The following PCDHA1 variants were observed in gnomAD, a reference collection of about 807,000 sequenced individuals.
PCDHA1 encodes the protein protocadherin alpha 1, also known as protocadherin alpha-1.
In PCDHA1, 42 loss-of-function variants were observed where a neutral mutation model predicts 61.3. The observed-to-expected ratio is 0.69, with a 90% confidence interval of 0.54 to 0.89. The LOEUF (loss-of-function observed/expected upper bound fraction) is 0.89. PCDHA1 is among the 40% of genes least tolerant of loss of function. The probability of loss-of-function intolerance (pLI) is 0.00; values close to 1 mark genes in which losing one functional copy is unlikely to be tolerated. For missense variants in PCDHA1, 1,256 were observed against 1,235.3 expected (o/e 1.02, Z -0.25); for synonymous variants, 610 against 553.8 (o/e 1.10, Z -1.43).
chr5:140,835,687 T>G (rs1773843865), intron 1 of PCDHA1: 1 of 1,613,786 alleles, frequency 6.2e-7, no homozygotes, highest in Admixed American at 1.7e-5. Context: ...TCGCCTTCTC[T>G]GTGGGCCACT....
chr5:140,806,637 G>A (rs1763761859), intron 1 of PCDHA1, among the ~76,000 whole-genome samples: 1 of 111,056 alleles, frequency 9.0e-6, no homozygotes, highest in Admixed American at 9.2e-5. Flanking sequence ...GAAATACTAG[G>A]GTGAAGAGGG....
intron 1 of PCDHA1, chr5:140,876,054 A>C: frequency 6.2e-7 from 1 of 1,613,940 alleles, no homozygotes; most frequent in Non-Finnish European, 8.5e-7. Context: ...TGCCTGAATT[A>C]GTTCTTCGGA....
chr5:140,876,873 C>G (rs781921402), intron 1 of PCDHA1: 1 of 1,614,128 alleles, frequency 6.2e-7, no homozygotes, highest in Non-Finnish European at 8.5e-7. Context: ...TGAAGGAGAA[C>G]AACCCGCCGG....
At chr5:140,794,927 A>T in intron 1 of PCDHA1, 1 of 1,559,156 alleles carries the variant, frequency 6.4e-7, no homozygotes, top group Non-Finnish European at 8.7e-7. Flanking sequence ...TTTGCAAAAC[A>T]TGCTCTTCTA....
At chr5:140,869,884 G>T in intron 1 of PCDHA1, 1 of 1,610,394 alleles carries the variant, frequency 6.2e-7, no homozygotes, top group Non-Finnish European at 8.5e-7. Flanking sequence ...AGAAACTCTT[G>T]TGCTCAAACT....
At chr5:140,923,043 T>C (rs1274355780) in intron 1 of PCDHA1, among the ~76,000 whole-genome samples, 2 of 152,228 alleles carry the variant, frequency 1.3e-5, no homozygotes, top group Non-Finnish European at 1.5e-5. Context: ...ACATGTATAG[T>C]ATTTAGAATA....
chr5:140,841,897 T>C (rs1403032733), intron 1 of PCDHA1: 2 of 1,613,728 alleles, frequency 1.2e-6, no homozygotes, highest in Middle Eastern at 1.6e-4. Context: ...ATAAACTGGT[T>C]GAGCTCGTAT....
chr5:140,801,580 A>G (rs545790169), intron 1 of PCDHA1: 2 of 1,614,234 alleles, frequency 1.2e-6, no homozygotes, highest in Non-Finnish European at 1.7e-6. Context: ...GACATTAATG[A>G]CAACGCGCCA....
chr5:140,795,081 C>A, intron 1 of PCDHA1: 1 of 1,614,012 alleles, frequency 6.2e-7, no homozygotes, highest in Non-Finnish European at 8.5e-7. Flanking sequence ...CCGAGGAGGC[C>A]AAACACGGCA....
chr5:140,863,224 G>A, intron 1 of PCDHA1: 2 of 1,143,744 alleles, frequency 1.7e-6, no homozygotes, highest in Non-Finnish European at 2.5e-6. Context: ...AGCGAGGAAG[G>A]TCCCATCGCG....
chr5:140,788,405 C>T lies in PCDHA1; in HGVS notation c.2115C>T (p.Cys705=). 6.2e-7 allele frequency: 1 copy of T among 1,614,090 alleles called. No homozygotes were observed. The highest frequency in any genetic ancestry group is 1.1e-5 in the South Asian group (1 of 91,086). ...DVNVYLIIAI[C]AVSSLLVLTL... ...ACGTGTACCTGATCATCGCCATCTGCGCGGTGTCCAGCCTGCTGGTGCTCA... is the reference window on the plus strand; with the variant it reads ...ACGTGTACCTGATCATCGCCATCTGTGCGGTGTCCAGCCTGCTGGTGCTCA... Residue 705 remains cysteine (C), a synonymous_variant, in exon 1 of 4, where the codon TGC becomes TGT. Transcript: ENST00000504120.
intron 1 of PCDHA1, chr5:140,863,366 C>T (rs1408958867): frequency 6.7e-6 from 8 of 1,190,328 alleles, no homozygotes; most frequent in African/African-American, 4.6e-5. Flanking sequence ...CGGTGCTTGG[C>T]GCAGCTCACC....
rs201231291 is a variant in PCDHA1, at chr5:140,849,957, G to T, written c.2394+61273G>T. ...GCGGGACGCTGACGCGCAGGAGAAC[G>T]CCCTGGTGTCCTACTCGCTGGTGGA... On this transcript the variant is annotated intron_variant, in intron 1 of 3. Coordinates refer to ENST00000504120, the MANE Select transcript of PCDHA1 (RefSeq NM_018900.4). 28 of 1,597,916 alleles carry T rather than the reference G, an allele frequency of 1.8e-5. 1 individual carries two copies. The East Asian group carries it at 6.0e-4, about 34-fold the overall frequency.
rs143772295 is a variant in PCDHA1 at position 140,836,248 on chromosome 5, T to C, written c.2394+47564T>C. On this transcript the variant is annotated intron_variant, in intron 1 of 3. Coordinates refer to ENST00000504120, the MANE Select transcript of PCDHA1 (RefSeq NM_018900.4). Reference sequence around the variant, plus strand: ...GTGGCGGCCGGTGCGAGCATCCCGTTCCGCGTGGGGCTGTACACTGGTGAG... The same window carrying C: ...GTGGCGGCCGGTGCGAGCATCCCGTCCCGCGTGGGGCTGTACACTGGTGAG... 1,441 of 1,613,590 alleles carry C rather than the reference T, an allele frequency of 8.9e-4. 19 individuals are homozygous for C. The highest frequency in any genetic ancestry group is 1.2e-3 in the Non-Finnish European group (1,359 of 1,179,786).
At chr5:140,828,037 A>G (rs1320523383) in intron 1 of PCDHA1, 4 of 1,539,206 alleles carry the variant, frequency 2.6e-6, no homozygotes, top group African/African-American at 1.4e-5. Context: ...AACATACAGT[A>G]TTTTATCTTT....
intron 3 of PCDHA1, among the ~76,000 whole-genome samples, chr5:140,998,072 C>T (rs1554256158): frequency 6.6e-6 from 1 of 152,168 alleles, no homozygotes; most frequent in African/African-American, 2.4e-5. Context: ...CAGACTTAGC[C>T]TCTGCAGTTG....
In PCDHA1 at chr5:140,884,156, G is replaced by C. The variant is rs1554181298; in HGVS notation, c.2395-94793G>C. 1 of 1,613,448 alleles carries C rather than the reference G, an allele frequency of 6.2e-7. No homozygotes were observed. Among genetic ancestry groups the C allele is most frequent in the Admixed American group, 1.7e-5 (1 of 60,012 alleles). On this transcript the variant is annotated intron_variant, in intron 1 of 3. Transcript: ENST00000504120. ...GTTCCGCGTGGGGCTGTACACTGGC[G>C]AGATCAGCACGACGCGCCCTCTGGA...
chr5:140,854,582 T>TA (rs757658134), intron 1 of PCDHA1: 9 of 149,824 alleles, frequency 6.0e-5, no homozygotes, highest in Non-Finnish European at 1.0e-4. Context: ...CAGATTTTAA[T>TA]AAAAAAAGTT....
rs1777055567 is a variant in PCDHA1, at chr5:140,841,163, T to C, written c.2394+52479T>C. 2 of 914,834 alleles carry C rather than the reference T, an allele frequency of 2.2e-6. 1 individual carries two copies. The highest frequency in any genetic ancestry group is 3.2e-6 in the Non-Finnish European group (2 of 616,240). 56.7% of individuals were successfully genotyped at this position (914,834 alleles called of 1,614,324 possible). ...CATGATGTCGCTGTCTACCAAGAAG[T>C]TCTGGTTGGTCAATGTTCAAAGTCT... On this transcript the variant is annotated intron_variant, in intron 1 of 3. Coordinates refer to ENST00000504120, the MANE Select transcript of PCDHA1 (RefSeq NM_018900.4).
Sources: gnomAD v4.1 joint callset for allele counts (sites outside exome capture counted in the v4.1 genomes callset) on GRCh38, gnomAD v4.1.1 for gene constraint, MANE v1.5 for transcripts, NCBI Gene and HGNC (gene_info 2026-07-23, HGNC 2026-07-21) for gene names.